HMGCLL1: variants seen among roughly 807,000 people sequenced by gnomAD.
HMGCLL1 encodes 3-hydroxymethyl-3-methylglutaryl-CoA lyase, cytoplasmic.
Under a neutral mutation model 39.1 loss-of-function variants are expected in HMGCLL1, and 36 were observed. The observed-to-expected ratio is 0.92, with a 90% CI of 0.71 to 1.22. The LOEUF (loss-of-function observed/expected upper bound fraction) is 1.22, where lower values mean the gene tolerates loss of function less well. Among genes scored for constraint, HMGCLL1 ranks in the 50% most tolerant of loss-of-function variants. The pLI is 0.00. For missense variants in HMGCLL1, 451 were observed against 416.5 expected (o/e 1.08, Z -0.72); for synonymous variants, 149 against 144.0 (o/e 1.03, Z -0.25).
the HMGCLL1 span, among the ~76,000 whole-genome samples, chr6:55,597,695 A>G: frequency 6.6e-6 from 1 of 152,174 alleles, no homozygotes; most frequent in African/African-American, 2.4e-5. Context: ...AATTATTTTC[A>G]AAGCTAAGGG....
intron 5 of HMGCLL1, among the ~76,000 whole-genome samples, chr6:55,510,164 C>T (rs866618722): frequency 6.6e-6 from 1 of 151,896 alleles, no homozygotes; most frequent in Non-Finnish European, 1.5e-5. Context: ...TAAATATACT[C>T]TTCTTTGAAC....
intron 7 of HMGCLL1, among the ~76,000 whole-genome samples, chr6:55,489,204 T>TA (rs1457653625): frequency 6.6e-6 from 1 of 151,966 alleles, no homozygotes; most frequent in African/African-American, 2.4e-5. Flanking sequence ...AGTTTAAAAA[T>TA]AAAAAGCTTA....
At chr6:55,599,831 T>TA in the HMGCLL1 span, among the ~76,000 whole-genome samples, 1 of 152,124 alleles carries the variant, frequency 6.6e-6, no homozygotes, top group Non-Finnish European at 1.5e-5. Context: ...ACTGCCACTG[T>TA]ATAAAAGTGA....
intron 1 of HMGCLL1, among the ~76,000 whole-genome samples, chr6:55,543,486 ATG>A (rs66463427): frequency 0.074 from 1,177 of 15,878 alleles, 54 homozygotes; most frequent in African/African-American, 0.15. Context: ...TAATATATAT[ATG>A]ATATATATCA....
At chr6:55,634,331 A>C in the HMGCLL1 span, among the ~76,000 whole-genome samples, 1 of 152,122 alleles carries the variant, frequency 6.6e-6, no homozygotes, top group Non-Finnish European at 1.5e-5. Flanking sequence ...AAGAGTAATA[A>C]GAAATGAACA....
intron 3 of HMGCLL1, among the ~76,000 whole-genome samples, chr6:55,524,225 G>A (rs1441823016): frequency 2.6e-5 from 4 of 151,742 alleles, no homozygotes; most frequent in African/African-American, 9.7e-5. Flanking sequence ...TCATAGTGTT[G>A]ACCTTAGAAA....
the HMGCLL1 span, among the ~76,000 whole-genome samples, chr6:55,607,564 C>T: frequency 4.5e-4 from 69 of 152,250 alleles, no homozygotes; most frequent in African/African-American, 1.6e-3. Flanking sequence ...GCCGCCCACA[C>T]AGAAAGACTG....
the HMGCLL1 span, among the ~76,000 whole-genome samples, chr6:55,644,952 G>T: frequency 3.3e-5 from 5 of 151,928 alleles, no homozygotes; most frequent in African/African-American, 1.2e-4. Context: ...TTGGTATTTT[G>T]ATAGGGATTG....
chr6:55,475,153 C>A (rs1437152222), intron 7 of HMGCLL1, among the ~76,000 whole-genome samples: 1 of 151,498 alleles, frequency 6.6e-6, no homozygotes, highest in Non-Finnish European at 1.5e-5. Flanking sequence ...ATGATGAATA[C>A]CCTTTCCCCA....
At chr6:55,627,881 T>TTATATATATATATATAC in the HMGCLL1 span, among the ~76,000 whole-genome samples, 1 of 43,486 alleles carries the variant, frequency 2.3e-5, no homozygotes, top group African/African-American at 9.8e-5. Flanking sequence ...ATAAACTCCC[T>TTATATATATATATATAC]TATATATATA....
chr6:55,537,550 T>C (rs1769103696), intron 3 of HMGCLL1, among the ~76,000 whole-genome samples: 2 of 151,812 alleles, frequency 1.3e-5, no homozygotes, highest in African/African-American at 2.4e-5. Context: ...TCCATCAGTA[T>C]GTCTACTAAT....
Position 55,559,181 on chromosome 6 carries a change from A to G in HMGCLL1, c.109-17041T>C, listed in dbSNP as rs570458572. Among the ~76,000 whole-genome samples, 27 of 152,310 alleles carry G rather than the reference A, an allele frequency of 1.8e-4. No individual in the cohort carries two copies. In the South Asian group the frequency reaches 4.6e-3, roughly 26 times the overall value. ...AAATGAGACTTTTTGTTCCCGCCAA[A>G]AAAAGTCCACGAAAACGTTTTGCTC... On this transcript the variant is annotated intron_variant, in intron 1 of 8. Transcript: ENST00000274901.
intron 7 of HMGCLL1, among the ~76,000 whole-genome samples, chr6:55,477,055 G>T (rs1192513199): frequency 1.9e-5 from 2 of 104,266 alleles, no homozygotes; most frequent in South Asian, 3.3e-4. Flanking sequence ...GGGTCAAATG[G>T]TATTTCTATG....
At chr6:55,451,263 ATGAT>A (rs1306497325) in intron 7 of HMGCLL1, among the ~76,000 whole-genome samples, 2 of 152,160 alleles carry the variant, frequency 1.3e-5, no homozygotes, top group Non-Finnish European at 2.9e-5. Context: ...TATATGTTTA[ATGAT>A]TGATTGATTT....
At chr6:55,602,385 A>C in the HMGCLL1 span, among the ~76,000 whole-genome samples, 1 of 152,182 alleles carries the variant, frequency 6.6e-6, no homozygotes, top group East Asian at 1.9e-4. Context: ...TTTTCCTTTA[A>C]ATCATGATCT....
intron 7 of HMGCLL1, among the ~76,000 whole-genome samples, chr6:55,444,697 T>C (rs1763740835): frequency 6.6e-6 from 1 of 151,976 alleles, no homozygotes; most frequent in South Asian, 2.1e-4. Flanking sequence ...TTCCAATGCC[T>C]CCACAATGAA....
chr6:55,536,509 TTAC>T (rs1047258407), intron 3 of HMGCLL1, among the ~76,000 whole-genome samples: 3 of 152,244 alleles, frequency 2.0e-5, no homozygotes, highest in African/African-American at 7.2e-5. Context: ...TTTAAATAGC[TTAC>T]TACTAACGGC....
At chr6:55,632,763 C>G in the HMGCLL1 span, among the ~76,000 whole-genome samples, 2 of 152,036 alleles carry the variant, frequency 1.3e-5, no homozygotes, top group East Asian at 3.9e-4. Flanking sequence ...TTAAAGGTTA[C>G]CATGCCTGGT....
intron 7 of HMGCLL1, among the ~76,000 whole-genome samples, chr6:55,458,569 A>G (rs1764426678): frequency 6.6e-6 from 1 of 152,166 alleles, no homozygotes; most frequent in Non-Finnish European, 1.5e-5. Flanking sequence ...TTTGACAAGG[A>G]GGAGTATTTG....
Sources: gnomAD v4.1 joint callset for allele counts (sites outside exome capture counted in the v4.1 genomes callset) on GRCh38, gnomAD v4.1.1 for gene constraint, MANE v1.5 for transcripts, NCBI Gene and HGNC (gene_info 2026-07-23, HGNC 2026-07-21) for gene names.